The following CELF2 variants were observed in gnomAD, a reference collection of about 807,000 sequenced individuals.
CELF2 encodes CUG triplet repeat RNA-binding protein 2.
CELF2 carries 8 observed loss-of-function variants against 62.6 expected under a neutral mutation model. The observed-to-expected ratio is 0.13, with a 90% confidence interval of 0.07 to 0.23. The LOEUF is 0.23. Among genes scored for constraint, CELF2 ranks in the 10% least tolerant of loss-of-function variants. CELF2 has a pLI of 1.00. For synonymous variants in CELF2, 258 were observed against 250.0 expected, an observed-to-expected ratio of 1.03 and a Z score of -0.30; for missense variants, 333 against 671.0, an observed-to-expected ratio of 0.50 and a Z score of 5.56.
chr10:10,586,088 G>A, the CELF2 span, among the ~76,000 whole-genome samples: 2 of 152,084 alleles, frequency 1.3e-5, no homozygotes, highest in African/African-American at 2.4e-5. Context: ...ATAAAATAAG[G>A]CATGCTTTCA....
chr10:11,061,445 G>A (rs757588636), intron 1 of CELF2, among the ~76,000 whole-genome samples: 2 of 152,214 alleles, frequency 1.3e-5, no homozygotes, highest in Non-Finnish European at 2.9e-5. Context: ...ACAAGGTGAA[G>A]CAGCAAGTGC....
the CELF2 span, among the ~76,000 whole-genome samples, chr10:10,713,614 C>T: frequency 0.017 from 2,516 of 152,312 alleles, 32 homozygotes; most frequent in African/African-American, 0.037. Context: ...TTTGAGACAG[C>T]TTCAAATTCT....
chr10:10,582,137 A>G, the CELF2 span, among the ~76,000 whole-genome samples: 11 of 152,298 alleles, frequency 7.2e-5, no homozygotes, highest in South Asian at 1.9e-3. Flanking sequence ...TAATCTCACT[A>G]AGGACCTTTT....
intron 1 of CELF2, among the ~76,000 whole-genome samples, chr10:11,094,284 T>C (rs1282586809): frequency 6.6e-6 from 1 of 152,258 alleles, no homozygotes; most frequent in Non-Finnish European, 1.5e-5. Context: ...TCTGCTGTTT[T>C]TCTAAAATGC....
At chr10:11,027,850 C>T (rs2059478362) in intron 1 of CELF2, among the ~76,000 whole-genome samples, 1 of 152,198 alleles carries the variant, frequency 6.6e-6, no homozygotes, top group African/African-American at 2.4e-5. Flanking sequence ...CAATAAAATA[C>T]GCTGCTTACC....
intron 1 of CELF2, among the ~76,000 whole-genome samples, chr10:10,848,477 G>T (rs1376534738): frequency 1.3e-5 from 2 of 152,140 alleles, no homozygotes; most frequent in Non-Finnish European, 2.9e-5. Context: ...ACCGCTTCTT[G>T]GGAAATTAAA....
At chr10:10,553,656 A>G in the CELF2 span, among the ~76,000 whole-genome samples, 4 of 152,160 alleles carry the variant, frequency 2.6e-5, no homozygotes, top group Non-Finnish European at 4.4e-5. Flanking sequence ...CAGGGAAGTC[A>G]AAGAGGTCTT....
At chr10:10,494,397 C>G in the CELF2 span, among the ~76,000 whole-genome samples, 2 of 152,208 alleles carry the variant, frequency 1.3e-5, no homozygotes, top group Non-Finnish European at 2.9e-5. Context: ...ACATCTTTGA[C>G]TATTCCCACT....
At chr10:10,953,772 T>C (rs2048574982) in intron 2 of CELF2, among the ~76,000 whole-genome samples, 1 of 151,730 alleles carries the variant, frequency 6.6e-6, no homozygotes, top group Non-Finnish European at 1.5e-5. Flanking sequence ...TGAGAAATTC[T>C]GCTTGGCAAA....
At chr10:10,726,268 G>A in the CELF2 span, among the ~76,000 whole-genome samples, 1 of 152,132 alleles carries the variant, frequency 6.6e-6, no homozygotes, top group Non-Finnish European at 1.5e-5. Flanking sequence ...TAAGAGGGTG[G>A]CACGGCTTTT....
chr10:10,742,057 A>T, the CELF2 span, among the ~76,000 whole-genome samples: 3 of 152,122 alleles, frequency 2.0e-5, no homozygotes, highest in African/African-American at 2.4e-5. Context: ...TATTTATTTT[A>T]TTGCTGAAAT....
At chr10:10,825,376 A>C (rs1162231893) in intron 1 of CELF2, among the ~76,000 whole-genome samples, 1 of 150,858 alleles carries the variant, frequency 6.6e-6, no homozygotes, top group African/African-American at 2.4e-5. Context: ...AGCCCAGCTA[A>C]TTTTTTGTAT....
rs544212256 is a variant in CELF2, at chr10:11,196,792, CA to C, written c.272-20626del. Reference sequence around the variant, plus strand: ...CCAACATGGTGAAACCCCGTCTCTACAAAAAAATACAAAAATTAGCCAGGCG... The same window carrying C: ...CCAACATGGTGAAACCCCGTCTCTACAAAAAATACAAAAATTAGCCAGGCG... On this transcript the variant is annotated intron_variant, in intron 2 of 12. Coordinates refer to ENST00000633077, the MANE Select transcript of CELF2 (RefSeq NM_001326342.2). Among the ~76,000 whole-genome samples the C allele has an allele frequency of 4.6e-5, 7 of 151,324 alleles. No individual in the cohort carries two copies. In the East Asian group the frequency reaches 1.4e-3, roughly 29 times the overall value.
At chr10:11,104,684 A>G (rs1166583543) in intron 1 of CELF2, among the ~76,000 whole-genome samples, 2 of 152,374 alleles carry the variant, frequency 1.3e-5, no homozygotes, top group East Asian at 1.9e-4. Context: ...CTTGTCTCCA[A>G]AAAACAAAAT....
Position 11,191,525 on chromosome 10 carries a change from A to G in CELF2, c.271+25843A>G, listed in dbSNP as rs554157947. ...CCTTGTGGTCTCGGGAAAGTGACCT[A>G]TCAAGGGGGCATACAACAGGGACAC... is the stretch of plus-strand genomic sequence containing the variant. On this transcript the variant is annotated intron_variant, in intron 2 of 12. Coordinates refer to ENST00000633077, the MANE Select transcript of CELF2 (RefSeq NM_001326342.2). The surrounding 1 kb of genome is among the most constrained non-coding windows in gnomAD (Gnocchi z 4.1). Among the ~76,000 whole-genome samples the G allele has an allele frequency of 1.3e-5, 2 of 152,244 alleles. No individual in the cohort carries two copies. Among genetic ancestry groups the G allele is most frequent in the Non-Finnish European group, 2.9e-5 (2 of 68,012 alleles).
At chr10:11,127,918 G>T (rs1214038919) in intron 1 of CELF2, among the ~76,000 whole-genome samples, 1 of 152,144 alleles carries the variant, frequency 6.6e-6, no homozygotes, top group Non-Finnish European at 1.5e-5. Context: ...GGCTTCTGTT[G>T]CCATTGCTTT....
rs1159033061 is a variant in CELF2 at position 11,305,145 on chromosome 10, C to G, written c.977-8994C>G. 6.6e-6 allele frequency among the ~76,000 whole-genome samples: 1 copy of G among 152,150 alleles called. No individual in the cohort carries two copies. Among genetic ancestry groups the G allele is most frequent in the Non-Finnish European group, 1.5e-5 (1 of 68,018 alleles). Reference sequence around the variant, plus strand: ...GTCACCCCTCCTCCCACAGGAAATCCAAGGCTGGTGAGGGGCTAGGGGGAG... The same window carrying G: ...GTCACCCCTCCTCCCACAGGAAATCGAAGGCTGGTGAGGGGCTAGGGGGAG... On this transcript the variant is annotated intron_variant, in intron 9 of 12. Coordinates refer to ENST00000633077, the MANE Select transcript of CELF2 (RefSeq NM_001326342.2). This position sits in a 1 kb window ranked among gnomAD's most constrained non-coding sequence, Gnocchi z 4.8.
At chr10:11,164,764 C>CT (rs2066564189) in intron 1 of CELF2, among the ~76,000 whole-genome samples, 1 of 151,394 alleles carries the variant, frequency 6.6e-6, no homozygotes, top group Non-Finnish European at 1.5e-5. Flanking sequence ...AAACAATGTG[C>CT]TTTTTAAAGG....
At chr10:10,665,727 T>G in the CELF2 span, among the ~76,000 whole-genome samples, 1 of 152,226 alleles carries the variant, frequency 6.6e-6, no homozygotes, top group Non-Finnish European at 1.5e-5. Context: ...AAGTCACTTA[T>G]TAATAAACAC....
Sources: allele counts gnomAD v4.1 joint callset (sites outside exome capture counted in the v4.1 genomes callset), GRCh38; gene constraint gnomAD v4.1.1; non-coding constraint Gnocchi (gnomAD v3.1); transcripts MANE v1.5; gene names NCBI Gene and HGNC (gene_info 2026-07-23, HGNC 2026-07-21).